The following RAB11FIP4 variants were observed in gnomAD, a reference collection of about 807,000 sequenced individuals.
RAB11FIP4 encodes the protein rab11 family-interacting protein 4.
Under a neutral mutation model 74.3 loss-of-function variants are expected in RAB11FIP4, and 23 were observed. The observed-to-expected ratio is 0.31, with a 90% CI of 0.22 to 0.44. The LOEUF is 0.44. Ranked by LOEUF, RAB11FIP4 falls within the 20% of genes least tolerant of loss-of-function variation. The pLI is 1.00. For missense variants in RAB11FIP4, 630 were observed against 863.9 expected (o/e 0.73, Z 3.39); for synonymous variants, 360 against 359.9 (o/e 1.00, Z 0.00).
chr17:31,511,879 G>A (rs971641132), intron 3 of RAB11FIP4, among the ~76,000 whole-genome samples: 2 of 152,212 alleles, frequency 1.3e-5, no homozygotes, highest in Non-Finnish European at 2.9e-5. Context: ...GCTGGCAGGC[G>A]AACACGGCTC....
chr17:31,519,049 C>G (rs558516011), intron 4 of RAB11FIP4, among the ~76,000 whole-genome samples: 1 of 118,514 alleles, frequency 8.4e-6, no homozygotes, highest in East Asian at 2.7e-4. Flanking sequence ...GAGTCTCGCT[C>G]TGTCGCCCAG....
intron 3 of RAB11FIP4, among the ~76,000 whole-genome samples, chr17:31,476,914 A>G (rs2071799440): frequency 6.6e-6 from 1 of 152,240 alleles, no homozygotes; most frequent in Non-Finnish European, 1.5e-5. Flanking sequence ...GTGACTGAGC[A>G]CGGAGGCCAG....
Position 31,518,800 on chromosome 17 carries a change from T to G in RAB11FIP4, c.563+923T>G, listed in dbSNP as rs117210323. ...CTAGAAAAAAATTAATCTGGAAAAT[T>G]AAGCAGTTATTTCTGTATGGTGGGA... On this transcript the variant is annotated intron_variant, in intron 4 of 14. Coordinates refer to ENST00000621161, the MANE Select transcript of RAB11FIP4 (RefSeq NM_032932.6). 7.7e-3 allele frequency: 1,169 copies of G among 152,390 alleles called. 31 individuals carry two copies. Among genetic ancestry groups the G allele is most frequent in the East Asian group, 0.046 (237 of 5,166 alleles). 9.4% of individuals were successfully genotyped at this position (152,390 alleles called of 1,614,324 possible). A position where few individuals can be genotyped will look rare whatever the true frequency, so the allele number is the denominator to read the frequency against.
chr17:31,487,360 C>A (rs953464946), intron 3 of RAB11FIP4, among the ~76,000 whole-genome samples: 1 of 152,174 alleles, frequency 6.6e-6, no homozygotes, highest in South Asian at 2.1e-4. Flanking sequence ...CCTCAAAGAT[C>A]CTCCGCCTCG....
Position 31,522,083 on chromosome 17 carries a change from C to T in RAB11FIP4, c.893+34C>T, listed in dbSNP as rs185536384. ...CAGGCCCAGCTGGGGGGTGAGAGGC[C>T]GGGGGGCCAGGGCAGGGCCTGGAGG... On this transcript the variant is annotated intron_variant, in intron 6 of 14. Coordinates refer to ENST00000621161, the MANE Select transcript of RAB11FIP4 (RefSeq NM_032932.6). The T allele has an allele frequency of 6.8e-4, 1,104 of 1,612,936 alleles. 6 individuals are homozygous for T. Among genetic ancestry groups the T allele is most frequent in the Non-Finnish European group, 5.0e-4 (590 of 1,179,488 alleles).
intron 3 of RAB11FIP4, chr17:31,488,158 C>A: frequency 9.4e-7 from 1 of 1,061,702 alleles, no homozygotes; most frequent in Non-Finnish European, 1.1e-6. Flanking sequence ...ATTGTTCCTG[C>A]GCTTCGGGGC....
chr17:31,518,187 A>C (rs1249576093), intron 4 of RAB11FIP4, among the ~76,000 whole-genome samples: 6 of 152,090 alleles, frequency 3.9e-5, no homozygotes, highest in Non-Finnish European at 5.9e-5. Context: ...ATATGATCTC[A>C]ATTAGTTTTA....
intron 3 of RAB11FIP4, among the ~76,000 whole-genome samples, chr17:31,508,236 CGGGATGTTTCCAGT>C (rs2072388870): frequency 6.6e-6 from 1 of 152,172 alleles, no homozygotes; most frequent in Non-Finnish European, 1.5e-5. Flanking sequence ...CTCAGCTGTT[CGGGATGTTTCCAGT>C]GGGATCACAC....
rs2072911192 is a variant in RAB11FIP4 at position 31,533,720 on chromosome 17, GGGAA to G, written c.*1993_*1996del. 6.6e-6 allele frequency: 1 copy of G among 152,240 alleles called. No homozygotes were observed. The highest frequency in any genetic ancestry group is 2.1e-4 in the South Asian group (1 of 4,836). The allele number at this position is 152,240 out of a possible 1,614,324, so 9.4% of individuals were successfully genotyped here. A position where few individuals can be genotyped will look rare whatever the true frequency, so the allele number is the denominator to read the frequency against. ...GGTTACACAGCCTGAGTCACAACGT[GGGAA>G]GGAATCTCTGCCACGGGAAAGGTGG... is the stretch of plus-strand genomic sequence containing the variant. On this transcript the variant is annotated 3_prime_UTR_variant, in exon 15 of 15. Transcript: ENST00000621161.
At chr17:31,437,418 C>T (rs1033218579) in intron 3 of RAB11FIP4, among the ~76,000 whole-genome samples, 3 of 152,116 alleles carry the variant, frequency 2.0e-5, no homozygotes, top group South Asian at 2.1e-4. Flanking sequence ...TTCTCAGGCC[C>T]GGCTCTCTGC....
At chr17:31,416,680 CAGG>C (rs776851962) in intron 1 of RAB11FIP4, among the ~76,000 whole-genome samples, 1 of 152,198 alleles carries the variant, frequency 6.6e-6, no homozygotes, top group Non-Finnish European at 1.5e-5. Context: ...CCTGCAGCAG[CAGG>C]AGAAGGGGCC....
intron 3 of RAB11FIP4, among the ~76,000 whole-genome samples, chr17:31,505,594 TATTATATA>T (rs2072322190): frequency 2.1e-4 from 15 of 69,834 alleles, no homozygotes; most frequent in African/African-American, 8.8e-4. Flanking sequence ...AATAATTATA[TATTATATA>T]ATAATAATTA....
intron 3 of RAB11FIP4, among the ~76,000 whole-genome samples, chr17:31,502,909 G>A (rs546688758): frequency 1.3e-4 from 20 of 152,238 alleles, no homozygotes; most frequent in African/African-American, 4.8e-4. Flanking sequence ...TCCCTGTGTC[G>A]TCACATGGTC....
At chr17:31,517,100 C>G (rs2072565734) in intron 3 of RAB11FIP4, among the ~76,000 whole-genome samples, 1 of 150,480 alleles carries the variant, frequency 6.6e-6, no homozygotes, top group Non-Finnish European at 1.5e-5. Flanking sequence ...AGCCTGTGAC[C>G]AGCCTGATTG....
intron 3 of RAB11FIP4, among the ~76,000 whole-genome samples, chr17:31,435,816 G>T (rs1363681134): frequency 6.6e-6 from 1 of 152,190 alleles, no homozygotes; most frequent in Non-Finnish European, 1.5e-5. Flanking sequence ...GTGGGCCAGG[G>T]CCCCCAGGCT....
intron 3 of RAB11FIP4, among the ~76,000 whole-genome samples, chr17:31,509,681 A>G (rs1292139670): frequency 6.6e-6 from 1 of 152,144 alleles, no homozygotes; most frequent in East Asian, 1.9e-4. Context: ...CAGAGCGGGA[A>G]GCTCTGGGCT....
chr17:31,508,943 T>C (rs1294298707), intron 3 of RAB11FIP4: 1 of 152,522 alleles, frequency 6.6e-6, no homozygotes, highest in African/African-American at 2.4e-5. Flanking sequence ...AGAAAGGCAG[T>C]GTGGGCTTCA....
chr17:31,471,345 G>A (rs1278988313), intron 3 of RAB11FIP4, among the ~76,000 whole-genome samples: 6 of 151,700 alleles, frequency 4.0e-5, no homozygotes, highest in Admixed American at 2.0e-4. Context: ...GATTACAGAC[G>A]TGAGCCACTG....
intron 3 of RAB11FIP4, among the ~76,000 whole-genome samples, chr17:31,496,134 G>T (rs990326871): frequency 6.6e-5 from 10 of 152,222 alleles, no homozygotes; most frequent in Admixed American, 2.6e-4. Context: ...AATTTGTCCA[G>T]TTCCTCCAAG....
Sources: gnomAD v4.1 joint callset for allele counts (sites outside exome capture counted in the v4.1 genomes callset) on GRCh38, gnomAD v4.1.1 for gene constraint, MANE v1.5 for transcripts, NCBI Gene and HGNC (gene_info 2026-07-23, HGNC 2026-07-21) for gene names.